The following BCAS1 variants were observed in gnomAD, a reference collection of about 807,000 sequenced individuals.
BCAS1 encodes the protein brain enriched myelin associated protein 1, also known as breast carcinoma-amplified sequence 1.
Under a neutral mutation model 65.4 loss-of-function variants are expected in BCAS1, and 46 were observed. The ratio of observed to expected loss-of-function variants is 0.70; its 90% CI spans 0.55 to 0.90. The LOEUF is 0.90. Ranked by LOEUF, BCAS1 falls within the 40% of genes least tolerant of loss-of-function variation. The probability of loss-of-function intolerance (pLI) is 0.00; values close to 1 mark genes in which losing one functional copy is unlikely to be tolerated. For synonymous variants in BCAS1, 298 were observed against 293.5 expected (o/e 1.02, Z -0.16); for missense variants, 793 against 771.2 (o/e 1.03, Z -0.33).
intron 10 of BCAS1, among the ~76,000 whole-genome samples, chr20:53,960,639 G>A (rs1176680469): frequency 6.6e-6 from 1 of 152,086 alleles, no homozygotes; most frequent in Non-Finnish European, 1.5e-5. Flanking sequence ...CACTTCTGTA[G>A]CAGCAGTTAT....
At chr20:54,017,451 A>G (rs2091463912) in intron 4 of BCAS1, among the ~76,000 whole-genome samples, 1 of 148,152 alleles carries the variant, frequency 6.7e-6, no homozygotes, top group African/African-American at 2.5e-5. Context: ...GCTGGAGTGC[A>G]GTGGTGCGAT....
chr20:54,000,752 A>T (rs1257117551), intron 4 of BCAS1, among the ~76,000 whole-genome samples: 7 of 151,498 alleles, frequency 4.6e-5, no homozygotes, highest in African/African-American at 1.7e-4. Flanking sequence ...TTTTTTCTGC[A>T]TTGTCTAATC....
chr20:54,027,240 T>C (rs1220026758), intron 4 of BCAS1, among the ~76,000 whole-genome samples: 1 of 152,232 alleles, frequency 6.6e-6, no homozygotes, highest in African/African-American at 2.4e-5. Flanking sequence ...CTATTATCTT[T>C]TCCCAATTTT....
chr20:53,960,369 GA>G (rs1486491083), intron 10 of BCAS1, among the ~76,000 whole-genome samples: 2 of 148,526 alleles, frequency 1.3e-5, no homozygotes, highest in Non-Finnish European at 3.0e-5. Context: ...GATTGAATCA[GA>G]AGGCTGTGTT....
chr20:53,992,476 T>A (rs756971520), intron 7 of BCAS1, 36 bp downstream of exon 7: 10 of 1,361,590 alleles, frequency 7.3e-6, no homozygotes, highest in Non-Finnish European at 9.8e-6. Flanking sequence ...AAGACCAGAG[T>A]TCTTGTTTTT....
At chr20:54,054,361 T>A (rs141238682) in intron 3 of BCAS1, among the ~76,000 whole-genome samples, 64 of 152,350 alleles carry the variant, frequency 4.2e-4, no homozygotes, top group African/African-American at 1.5e-3. Flanking sequence ...ATTTTTCCAA[T>A]GACTTTTCTA....
At position 53,944,846 on chromosome 20, in the gene BCAS1, G is replaced by A. The variant is rs954427733; in HGVS notation, c.*76C>T. On this transcript the variant is annotated 3_prime_UTR_variant, in exon 13 of 13. Coordinates refer to ENST00000688948, the MANE Select transcript of BCAS1 (RefSeq NM_001366298.2). Reference sequence around the variant, plus strand: ...CATCAGAAGAATATATACATGGAGCGTGTTTGGGGAGGAGATGGAGTAAGG... The same window carrying A: ...CATCAGAAGAATATATACATGGAGCATGTTTGGGGAGGAGATGGAGTAAGG... 1.6e-5 allele frequency: 21 copies of A among 1,304,330 alleles called. No individual in the cohort carries two copies. Among genetic ancestry groups the A allele is most frequent in the South Asian group, 4.7e-5 (4 of 84,636 alleles). The allele number at this position is 1,304,330 out of a possible 1,614,324, so 80.8% of individuals were successfully genotyped here.
intron 7 of BCAS1, among the ~76,000 whole-genome samples, chr20:53,990,511 CT>C (rs36023841): frequency 3.3e-5 from 5 of 151,412 alleles, no homozygotes; most frequent in East Asian, 1.9e-4. Context: ...GAATTGGTAA[CT>C]TTTTTTTTAA....
intron 4 of BCAS1, among the ~76,000 whole-genome samples, chr20:54,006,162 A>C (rs567173257): frequency 6.6e-6 from 1 of 152,304 alleles, no homozygotes; most frequent in South Asian, 2.1e-4. Flanking sequence ...CCCTGAAGAG[A>C]AACATCATGT....
chr20:53,974,075 C>T (rs895765324), intron 9 of BCAS1, among the ~76,000 whole-genome samples: 5 of 151,984 alleles, frequency 3.3e-5, no homozygotes, highest in African/African-American at 1.2e-4. Context: ...ACACACCAAT[C>T]AGTGCTCTGT....
At chr20:54,010,626 T>A (rs952109291) in intron 4 of BCAS1, among the ~76,000 whole-genome samples, 7 of 152,302 alleles carry the variant, frequency 4.6e-5, no homozygotes, top group Non-Finnish European at 7.4e-5. Context: ...ACAATGTTCA[T>A]GGATTGGAAG....
intron 8 of BCAS1, among the ~76,000 whole-genome samples, 157 bp from the exon 9 acceptor site, chr20:53,975,587 C>G (rs2090311356): frequency 7.1e-6 from 1 of 141,828 alleles, no homozygotes. Flanking sequence ...AGGAGACTTA[C>G]AAAAATGAAA....
chr20:54,031,459 G>A (rs1281718733), intron 3 of BCAS1, among the ~76,000 whole-genome samples: 3 of 151,288 alleles, frequency 2.0e-5, no homozygotes, highest in Admixed American at 6.6e-5. Flanking sequence ...ACATACCCAA[G>A]TCCATCACCT....
At chr20:54,004,252 C>G (rs2091130854) in intron 4 of BCAS1, among the ~76,000 whole-genome samples, 1 of 152,196 alleles carries the variant, frequency 6.6e-6, no homozygotes, top group African/African-American at 2.4e-5. Context: ...CAATGAGAAG[C>G]TGGCCATCTG....
intron 3 of BCAS1, among the ~76,000 whole-genome samples, chr20:54,035,059 T>C (rs2091872963): frequency 6.6e-6 from 1 of 151,230 alleles, no homozygotes; most frequent in Non-Finnish European, 1.5e-5. Flanking sequence ...CAATAAAAAG[T>C]GCTGGGATAA....
intron 4 of BCAS1, among the ~76,000 whole-genome samples, chr20:54,012,295 T>A (rs2091337941): frequency 1.3e-5 from 2 of 152,124 alleles, no homozygotes; most frequent in African/African-American, 4.8e-5. Context: ...GTATGCAGTA[T>A]CCTTGTGGGG....
At chr20:53,957,766 C>A (rs944659007) in intron 10 of BCAS1, among the ~76,000 whole-genome samples, 1 of 152,054 alleles carries the variant, frequency 6.6e-6, no homozygotes, top group Non-Finnish European at 1.5e-5. Context: ...TAAATGATGA[C>A]GGTTCCAATT....
chr20:53,951,684 A>C (rs2089530738), intron 12 of BCAS1, among the ~76,000 whole-genome samples: 1 of 152,224 alleles, frequency 6.6e-6, no homozygotes, highest in Non-Finnish European at 1.5e-5. Flanking sequence ...TGCACAGTAC[A>C]TTTTGAGAAG....
In BCAS1 at chr20:53,979,704, A is replaced by T. The variant is rs149113695; in HGVS notation, c.1276-4274T>A. Reference sequence around the variant, plus strand: ...AGCCCAGGCTGATTCATGATCACCTATCTTGGATTCCTAGAACTATCTGGA... The same window carrying T: ...AGCCCAGGCTGATTCATGATCACCTTTCTTGGATTCCTAGAACTATCTGGA... On this transcript the variant is annotated intron_variant, in intron 8 of 12. Transcript: ENST00000688948. Among the ~76,000 whole-genome samples, 589 of 152,314 alleles carry T rather than the reference A, an allele frequency of 3.9e-3. 5 individuals carry two copies. Among genetic ancestry groups the T allele is most frequent in the Non-Finnish European group, 6.9e-3 (467 of 68,024 alleles).
Sources: gnomAD v4.1 joint callset for allele counts (sites outside exome capture counted in the v4.1 genomes callset) on GRCh38, gnomAD v4.1.1 for gene constraint, MANE v1.5 for transcripts, NCBI Gene and HGNC (gene_info 2026-07-23, HGNC 2026-07-21) for gene names.